UMODL1: variants seen among roughly 807,000 people sequenced by gnomAD.
UMODL1 encodes the protein uromodulin like 1.
In UMODL1, 128 loss-of-function variants were observed where a neutral mutation model predicts 136.3. The ratio of observed to expected loss-of-function variants is 0.94; its 90% CI spans 0.81 to 1.09. The LOEUF is 1.09. UMODL1 is among the 50% of genes least tolerant of loss of function. The probability of loss-of-function intolerance (pLI) is 0.00; values close to 1 mark genes in which losing one functional copy is unlikely to be tolerated. For missense variants in UMODL1, 1,766 were observed against 1,725.6 expected (o/e 1.02, Z -0.41); for synonymous variants, 721 against 720.0 (o/e 1.00, Z -0.02).
At chr21:42,132,616 C>A (rs180937006) in intron 21 of UMODL1, among the ~76,000 whole-genome samples, 51 of 151,782 alleles carry the variant, frequency 3.4e-4, no homozygotes, top group African/African-American at 1.1e-3. Context: ...ATCCATCTAT[C>A]CATCCACCCA....
chr21:42,071,282 G>C, upstream of UMODL1: 1 of 1,493,538 alleles, frequency 6.7e-7, no homozygotes, highest in Non-Finnish European at 8.9e-7. Context: ...TCTTGGTAGA[G>C]GCCCAGAGCC....
intron 21 of UMODL1, among the ~76,000 whole-genome samples, chr21:42,136,783 G>A (rs220174): frequency 0.17 from 25,019 of 151,092 alleles, 2,529 homozygotes; most frequent in East Asian, 0.34. Context: ...TTTTGAGACC[G>A]AGTCTTGCTC....
chr21:42,068,414 T>A (rs954837425), upstream of UMODL1, among the ~76,000 whole-genome samples: 38 of 152,210 alleles, frequency 2.5e-4, no homozygotes, highest in Admixed American at 1.3e-4. This position sits in a 1 kb window ranked among gnomAD's most constrained non-coding sequence, Gnocchi z 5.5. Context: ...TCACCGCCGC[T>A]GTCAGAGAGC....
At position 42,111,646 on chromosome 21, in the gene UMODL1, AC is replaced by A. The variant is rs1490058800; in HGVS notation, c.2043del (p.Ser682ProfsTer4). The A allele has an allele frequency of 6.2e-7, 1 of 1,613,744 alleles. No homozygotes were observed. Among genetic ancestry groups the A allele is most frequent in the South Asian group, 1.1e-5 (1 of 91,060 alleles). ...PTWLRNEDSG[P>X]SGSVDLPLTS... ...CGTGGCTGCGAAATGAGGACAGTGGACCCTCCGGTTCTGTAGACCTGCCATT... is the reference window on the plus strand; with the variant it reads ...CGTGGCTGCGAAATGAGGACAGTGGACCTCCGGTTCTGTAGACCTGCCATT... On this transcript the variant is annotated frameshift_variant, in exon 12 of 23. Coordinates refer to ENST00000408910, the MANE Select transcript of UMODL1 (RefSeq NM_001004416.3). LOFTEE classifies it high-confidence loss of function.
chr21:42,064,658 C>T (rs1427875222), intron 1 of UMODL1, among the ~76,000 whole-genome samples: 2 of 152,072 alleles, frequency 1.3e-5, no homozygotes, highest in African/African-American at 2.4e-5. Flanking sequence ...CAGGTTCAAG[C>T]GATTCCCCTG....
At chr21:42,114,629 T>C (rs1216621443) in intron 13 of UMODL1, among the ~76,000 whole-genome samples, 6 of 152,214 alleles carry the variant, frequency 3.9e-5, no homozygotes, top group African/African-American at 1.4e-4. Context: ...AGATGGTCTA[T>C]TGGGATGCAA....
At chr21:42,065,542 C>CT (rs56298825) in intron 1 of UMODL1, among the ~76,000 whole-genome samples, 9,214 of 143,306 alleles carry the variant, frequency 0.064, 444 homozygotes, top group African/African-American at 0.13. Context: ...CTTTTTTTTT[C>CT]TTTTTTTTTT....
chr21:42,071,760 C>T (rs1004470465), intron 1 of UMODL1, among the ~76,000 whole-genome samples: 1 of 151,718 alleles, frequency 6.6e-6, no homozygotes, highest in Middle Eastern at 3.4e-3. Context: ...CCACTGAGAA[C>T]AGTGAGCTCC....
rs2067230802 is a variant in UMODL1 at position 42,137,922 on chromosome 21, CT to C, written c.*21+284del. On this transcript the variant is annotated intron_variant, in intron 22 of 22. Coordinates refer to ENST00000408910, the MANE Select transcript of UMODL1 (RefSeq NM_001004416.3). ...ATGTGTGTGTCTGTGTTTTGTGGCC[CT>C]TTACGGAGCGTGCAGCCTCCCTTCT... 3.9e-5 allele frequency among the ~76,000 whole-genome samples: 6 copies of C among 151,962 alleles called. No homozygotes were observed. In the South Asian group the frequency reaches 1.2e-3, roughly 32 times the overall value.
Position 42,073,252 on chromosome 21 carries a change from C to T in UMODL1, c.76+1860C>T, listed in dbSNP as rs1053532330. ...GGAAGTCCTCGGCCTTTGCCTAGCTCGGCGTGGTCACTGAGTAGGTGAGCG... is the reference window on the plus strand; with the variant it reads ...GGAAGTCCTCGGCCTTTGCCTAGCTTGGCGTGGTCACTGAGTAGGTGAGCG... On this transcript the variant is annotated intron_variant, in intron 1 of 22. Transcript: ENST00000408910. Among the ~76,000 whole-genome samples, 56 of 152,226 alleles carry T rather than the reference C, an allele frequency of 3.7e-4. 1 individual carries two copies. Among genetic ancestry groups the T allele is most frequent in the Non-Finnish European group, 2.9e-5 (2 of 68,042 alleles).
intron 3 of UMODL1, 141 bp downstream of exon 3, chr21:42,084,386 C>A: frequency 1.2e-6 from 1 of 859,326 alleles, no homozygotes; most frequent in Non-Finnish European, 1.7e-6. Flanking sequence ...TGTGCACAGG[C>A]AGCACCTGCT....
rs535875860 is a variant in UMODL1, at chr21:42,104,022, C to T, written c.1454C>T (p.Pro485Leu). 8 of 1,613,984 alleles carry T rather than the reference C, an allele frequency of 5.0e-6. No homozygotes were observed. In the East Asian group the frequency reaches 1.1e-4, roughly 22 times the overall value. Residue 485 changes from proline (P) to leucine (L), a missense_variant, in exon 9 of 23, where the codon CCC becomes CTC. Physicochemically the swap from Pro to Leu is moderately conservative, Grantham distance 98 (BLOSUM62 -3). Transcript: ENST00000408910. ...GFPMGISTLA[P>L]ILQPLLASTV... The stretch of plus-strand genomic sequence containing the variant: ...CCCATGGGCATCTCCACGCTGGCCC[C>T]CATACTCCAGCCCCTGTTGGCAAGC...
intron 1 of UMODL1, among the ~76,000 whole-genome samples, chr21:42,065,114 C>T (rs977626278): frequency 5.3e-5 from 8 of 152,168 alleles, no homozygotes; most frequent in Non-Finnish European, 7.4e-5. Context: ...ACCTCAGCCC[C>T]GGCAGAAAGA....
At position 42,102,260 on chromosome 21, in the gene UMODL1, TAGACA is replaced by T. The variant is rs768714984; in HGVS notation, c.1283_1287del (p.Arg428ThrfsTer15). The T allele has an allele frequency of 3.1e-6, 5 of 1,612,408 alleles. No homozygotes were observed. The South Asian group carries it at 5.5e-5, about 18-fold the overall frequency. On this transcript the variant is annotated frameshift_variant, in exon 8 of 23. Coordinates refer to ENST00000408910, the MANE Select transcript of UMODL1 (RefSeq NM_001004416.3). LOFTEE classifies it high-confidence loss of function. ...GCAGTGTGGAGTACCAGGACTTTTCTAGACAACTGCTTCACGAGGTAAAGCCACAA... is the reference window on the plus strand; with the variant it reads ...GCAGTGTGGAGTACCAGGACTTTTCTACTGCTTCACGAGGTAAAGCCACAA...
rs1052266558 is a variant in UMODL1 at position 42,109,446 on chromosome 21, G to A, written c.1520-116G>A. The A allele has an allele frequency of 1.9e-5, 28 of 1,451,020 alleles. 1 individual carries two copies. The highest frequency in any genetic ancestry group is 4.7e-6 in the Non-Finnish European group (5 of 1,062,630). 89.9% of individuals were successfully genotyped at this position (1,451,020 alleles called of 1,614,324 possible). ...TGGACGGATGCCCCAAAATGCCCCT[G>A]CTCCCGGCCGTTCACTGCAAAGACG... On this transcript the variant is annotated intron_variant, in intron 9 of 22. Transcript: ENST00000408910.
At chr21:42,117,550 T>C (rs1392021238) in intron 14 of UMODL1, among the ~76,000 whole-genome samples, 1 of 152,254 alleles carries the variant, frequency 6.6e-6, no homozygotes, top group African/African-American at 2.4e-5. Context: ...TGATTTTGTT[T>C]GCACGGAATC....
At chr21:42,069,150 C>T (rs1234579785), upstream of UMODL1, among the ~76,000 whole-genome samples, 1 of 151,862 alleles carries the variant, frequency 6.6e-6, no homozygotes, top group East Asian at 1.9e-4. Flanking sequence ...TGTGAAAAAT[C>T]CCTCCGGCCA....
In UMODL1 at chr21:42,085,390, A is replaced by G. The variant is rs201127777; in HGVS notation, c.581A>G (p.His194Arg). 1.2e-4 allele frequency: 194 copies of G among 1,614,028 alleles called. No homozygotes were observed. In the African/African-American group the frequency reaches 2.3e-3, roughly 19 times the overall value. Residue 194 changes from histidine (H) to arginine (R), a missense_variant, in exon 4 of 23, where the codon CAC (histidine) becomes CGC (arginine). Coordinates refer to ENST00000408910, the MANE Select transcript of UMODL1 (RefSeq NM_001004416.3). The surrounding 1 kb of genome is among the most constrained non-coding windows in gnomAD (Gnocchi z 4.5). ...LQQVDPRLLNHMRLLHSLVTS... is the reference protein window; with the variant it reads ...LQQVDPRLLNRMRLLHSLVTS... ...CAAGTGGACCCCAGGCTCCTGAACC[A>G]CATGCGCCTTCTGCATTCCTTGGTA...
chr21:42,080,224 C>T (rs1226636765), intron 2 of UMODL1, among the ~76,000 whole-genome samples: 1 of 152,238 alleles, frequency 6.6e-6, no homozygotes, highest in South Asian at 2.1e-4. Flanking sequence ...GAGATGGTTT[C>T]AGTAAGTGAC....
Sources: allele counts gnomAD v4.1 joint callset (sites outside exome capture counted in the v4.1 genomes callset), GRCh38; gene constraint gnomAD v4.1.1; non-coding constraint Gnocchi (gnomAD v3.1); transcripts MANE v1.5; gene names NCBI Gene and HGNC (gene_info 2026-07-23, HGNC 2026-07-21).